IRAG1: variants seen among roughly 807,000 people sequenced by gnomAD.
The protein encoded by IRAG1 is IP3R-associated cGMP kinase substrate.
Under a neutral mutation model 106.2 loss-of-function variants are expected in IRAG1, and 62 were observed. The ratio of observed to expected loss-of-function variants is 0.58; its 90% CI spans 0.48 to 0.72. The LOEUF is 0.72. IRAG1 is among the 30% of genes least tolerant of loss of function. The probability of loss-of-function intolerance (pLI) is 0.00; values close to 1 mark genes in which losing one functional copy is unlikely to be tolerated. For synonymous variants in IRAG1, 462 were observed against 443.9 expected (o/e 1.04, Z -0.51); for missense variants, 1,064 against 1,140.7 (o/e 0.93, Z 0.97).
At chr11:10,635,896 CTT>C (rs1441570533) in intron 2 of IRAG1, among the ~76,000 whole-genome samples, 7,024 of 152,210 alleles carry the variant, frequency 0.046, 502 homozygotes, top group African/African-American at 0.15. Context: ...GCTCTGTGTT[CTT>C]ATCCGGGAGC....
At chr11:10,609,995 A>G (rs1294609482) in intron 10 of IRAG1, 144 bp from the exon 11 acceptor site, 6 of 816,828 alleles carry the variant, frequency 7.3e-6, no homozygotes, top group East Asian at 5.5e-5. Flanking sequence ...TATTCTCACA[A>G]TGAGCTAGAA....
At chr11:10,608,204 A>G (rs1462649729) in intron 11 of IRAG1, among the ~76,000 whole-genome samples, 2 of 152,098 alleles carry the variant, frequency 1.3e-5, no homozygotes. Context: ...GGCTTACTAC[A>G]GCCTTGAACT....
At chr11:10,623,449 C>A (rs116928595) in intron 10 of IRAG1, among the ~76,000 whole-genome samples, 1 of 152,206 alleles carries the variant, frequency 6.6e-6, no homozygotes, top group South Asian at 2.1e-4. Flanking sequence ...GGCCGTGATG[C>A]CTTGAAAAGA....
At chr11:10,667,861 C>T (rs1174096815) in intron 1 of IRAG1, among the ~76,000 whole-genome samples, 1 of 152,194 alleles carries the variant, frequency 6.6e-6, no homozygotes, top group African/African-American at 2.4e-5. Flanking sequence ...TGGCTAAAAG[C>T]CCCTAAAGGG....
intron 10 of IRAG1, among the ~76,000 whole-genome samples, chr11:10,618,366 T>C (rs1223082166): frequency 2.6e-5 from 4 of 152,186 alleles, no homozygotes; most frequent in Non-Finnish European, 5.9e-5. Flanking sequence ...TGTCTATTCT[T>C]ATGTTTCCTC....
intron 1 of IRAG1, among the ~76,000 whole-genome samples, chr11:10,692,683 G>T (rs2135296854): frequency 6.6e-6 from 1 of 152,344 alleles, no homozygotes; most frequent in African/African-American, 2.4e-5. Flanking sequence ...TTCAGCAGCT[G>T]CCGAGCTCTG....
Position 10,601,061 on chromosome 11 carries a change from T to C in IRAG1, c.1876-2A>G, listed in dbSNP as rs1404091702. On this transcript the variant is annotated splice_acceptor_variant, in intron 14 of 20. Coordinates refer to ENST00000423302, the MANE Select transcript of IRAG1 (RefSeq NM_130385.4). LOFTEE classifies it high-confidence loss of function. ...CGTTGCTTTCGACATGCGCTTTTCC[T>C]GCGGGGAAGGAGCGCATGAGTGCAT... is the stretch of plus-strand genomic sequence containing the variant. The C allele has an allele frequency of 6.2e-7, 1 of 1,613,688 alleles. No homozygotes were observed. Among genetic ancestry groups the C allele is most frequent in the African/African-American group, 1.3e-5 (1 of 74,952 alleles).
chr11:10,634,642 G>A (rs1469872478), intron 2 of IRAG1, among the ~76,000 whole-genome samples: 2 of 152,090 alleles, frequency 1.3e-5, no homozygotes, highest in Non-Finnish European at 2.9e-5. Context: ...AGATCATGCA[G>A]TATTGTCTTT....
At chr11:10,678,111 G>A (rs1318675052) in intron 1 of IRAG1, among the ~76,000 whole-genome samples, 1 of 151,844 alleles carries the variant, frequency 6.6e-6, no homozygotes, top group African/African-American at 2.4e-5. Flanking sequence ...CCTCCTTTTG[G>A]CTATTGTGAA....
rs528076927 is a variant in IRAG1 at position 10,657,471 on chromosome 11, G to C, written c.68-5289C>G. Among the ~76,000 whole-genome samples the C allele has an allele frequency of 1.6e-4, 24 of 152,266 alleles. No individual in the cohort carries two copies. The highest frequency in any genetic ancestry group is 2.8e-4 in the Non-Finnish European group (19 of 68,032). ...TCTCTGAAACCACAGTATCCCAGGA[G>C]CACAGCCCGTAAGCTAAGCGGCTCT... On this transcript the variant is annotated intron_variant, in intron 1 of 20. Transcript: ENST00000423302. The surrounding 1 kb of genome is among the most constrained non-coding windows in gnomAD (Gnocchi z 4.1).
chr11:10,636,181 T>C lies in IRAG1; in HGVS notation c.226-2110A>G, dbSNP rs372044731. Among the ~76,000 whole-genome samples, 8 of 152,350 alleles carry C rather than the reference T, an allele frequency of 5.3e-5. No individual in the cohort carries two copies. In the East Asian group the frequency reaches 1.5e-3, roughly 29 times the overall value. ...AAAAATAACATTGATAAGGTACCTA[T>C]GCATGATTGACATTTTTATTTATTT... is the stretch of plus-strand genomic sequence containing the variant. On this transcript the variant is annotated intron_variant, in intron 2 of 20. Coordinates refer to ENST00000423302, the MANE Select transcript of IRAG1 (RefSeq NM_130385.4).
intron 19 of IRAG1, 37 bp downstream of exon 19, chr11:10,581,830 T>C (rs747911506): frequency 2.5e-6 from 4 of 1,602,904 alleles, no homozygotes; most frequent in Non-Finnish European, 3.4e-6. Context: ...TTCTGAGAAC[T>C]GCCAGGTGCC....
intron 1 of IRAG1, among the ~76,000 whole-genome samples, chr11:10,674,163 T>C (rs906870808): frequency 2.0e-5 from 3 of 152,150 alleles, no homozygotes; most frequent in Non-Finnish European, 4.4e-5. Flanking sequence ...GTAAGAGACA[T>C]AGCAGTAAGC....
intron 1 of IRAG1, among the ~76,000 whole-genome samples, chr11:10,652,748 C>T (rs1329402614): frequency 6.6e-6 from 1 of 152,126 alleles, no homozygotes; most frequent in East Asian, 1.9e-4. Flanking sequence ...CACAGTGTTC[C>T]TCAGCCATGT....
intron 12 of IRAG1, among the ~76,000 whole-genome samples, chr11:10,606,195 G>T (rs981898664): frequency 6.6e-6 from 1 of 152,086 alleles, no homozygotes; most frequent in African/African-American, 2.4e-5. Flanking sequence ...CTCTTTGTCC[G>T]CTACAGAATG....
intron 14 of IRAG1, 143 bp from the exon 15 acceptor site, chr11:10,601,202 G>T: frequency 8.6e-7 from 1 of 1,167,754 alleles, no homozygotes; most frequent in Non-Finnish European, 1.2e-6. Context: ...TTTGCTGTCT[G>T]CCATGTGAGC....
In IRAG1 at chr11:10,625,981, C is replaced by A; in HGVS notation, c.1353G>T (p.Leu451=). ...IQVQPVRMQK[L]TKLREEHILM... is the part of the protein sequence containing the mutation. ...AGGAACCCACCTCTCGGAGCTTGGT[C>A]AGTTTCTGCATCCGCACGGGCTGCA... Residue 451 remains leucine, a synonymous_variant, in exon 9 of 21, where the codon CTG becomes CTT. Coordinates refer to ENST00000423302, the MANE Select transcript of IRAG1 (RefSeq NM_130385.4). 6.7e-7 allele frequency: 1 copy of A among 1,482,372 alleles called. No individual in the cohort carries two copies. The highest frequency in any genetic ancestry group is 1.5e-5 in the South Asian group (1 of 66,674). The allele number at this position is 1,482,372 out of a possible 1,614,324, so 91.8% of individuals were successfully genotyped here. A position where few individuals can be genotyped will look rare whatever the true frequency, so the allele number is the denominator to read the frequency against.
At chr11:10,595,969 T>C (rs1021214069) in intron 15 of IRAG1, among the ~76,000 whole-genome samples, 1 of 152,216 alleles carries the variant, frequency 6.6e-6, no homozygotes, top group African/African-American at 2.4e-5. Flanking sequence ...CTTCCTGTGT[T>C]AGTTTGCTAA....
At chr11:10,643,784 C>T (rs1033746176) in intron 2 of IRAG1, among the ~76,000 whole-genome samples, 4 of 151,782 alleles carry the variant, frequency 2.6e-5, no homozygotes, top group African/African-American at 9.7e-5. Flanking sequence ...GGAGCCTATG[C>T]TTATGGGTGG....
Sources: allele counts gnomAD v4.1 joint callset (sites outside exome capture counted in the v4.1 genomes callset), GRCh38; gene constraint gnomAD v4.1.1; non-coding constraint Gnocchi (gnomAD v3.1); transcripts MANE v1.5; gene names NCBI Gene and HGNC (gene_info 2026-07-23, HGNC 2026-07-21).